Variants in ASGR2 observed in about 807,000 individuals in gnomAD.
ASGR2 encodes the protein asialoglycoprotein receptor 2.
In ASGR2, 34 loss-of-function variants were observed where a neutral mutation model predicts 32.3. That is an observed-to-expected ratio of 1.05 (90% confidence interval 0.80 to 1.40). The LOEUF (loss-of-function observed/expected upper bound fraction) is 1.40, where lower values mean the gene tolerates loss of function less well. Ranked by LOEUF, ASGR2 falls within the 40% of genes most tolerant of loss-of-function variation. The probability of loss-of-function intolerance (pLI) is 0.00; values close to 1 mark genes in which losing one functional copy is unlikely to be tolerated. For synonymous variants in ASGR2, 143 were observed against 150.0 expected (o/e 0.95, Z 0.34); for missense variants, 385 against 386.4 (o/e 1.00, Z 0.03).
intron 7 of ASGR2, among the ~76,000 whole-genome samples, chr17:7,103,828 C>T (rs918898131): frequency 2.0e-5 from 3 of 152,038 alleles, no homozygotes; most frequent in East Asian, 1.9e-4. Flanking sequence ...ATGTGCACAA[C>T]GTGCAGGTTT....
At chr17:7,111,461 C>G (rs1055256808) in intron 2 of ASGR2, among the ~76,000 whole-genome samples, 1 of 151,864 alleles carries the variant, frequency 6.6e-6, no homozygotes, top group Non-Finnish European at 1.5e-5. Flanking sequence ...TCGACACCAT[C>G]CTGGCTAACA....
chr17:7,102,665 G>C (rs1196891424), intron 7 of ASGR2, among the ~76,000 whole-genome samples: 2 of 152,012 alleles, frequency 1.3e-5, no homozygotes, highest in African/African-American at 4.8e-5. Context: ...TGCTCTTACT[G>C]CCCCCCAGAC....
Position 7,114,383 on chromosome 17 carries a change from G to T in ASGR2, c.-70-73C>A, listed in dbSNP as rs1161438412. On this transcript the variant is annotated intron_variant, in intron 1 of 8. Transcript: ENST00000691900. This position sits in a 1 kb window ranked among gnomAD's most constrained non-coding sequence, Gnocchi z 4.5. ...CGCAGGGTCGGAGGGGTTCGGGGTGGTGGCCTGGGTAGGATCTGAGGTTGG... is the reference window on the plus strand; with the variant it reads ...CGCAGGGTCGGAGGGGTTCGGGGTGTTGGCCTGGGTAGGATCTGAGGTTGG... 8 of 1,449,828 alleles carry T rather than the reference G, an allele frequency of 5.5e-6. No homozygotes were observed. Among genetic ancestry groups the T allele is most frequent in the Non-Finnish European group, 7.2e-6 (8 of 1,105,238 alleles). The allele number at this position is 1,449,828 out of a possible 1,614,324, so 89.8% of individuals were successfully genotyped here.
At position 7,101,456 on chromosome 17, in the gene ASGR2, CTT is replaced by C. The variant is rs1912790462; in HGVS notation, c.*117_*118del. On this transcript the variant is annotated 3_prime_UTR_variant, in exon 9 of 9. Transcript: ENST00000691900. ...GACTCTTAAACTACCTCCTTTCTCT[CTT>C]TGCTCAGCTCTTCCCCATACCCCTG... The C allele has an allele frequency of 7.3e-7, 1 of 1,361,636 alleles. No individual in the cohort carries two copies. The highest frequency in any genetic ancestry group is 9.8e-7 in the Non-Finnish European group (1 of 1,019,540). The allele number at this position is 1,361,636 out of a possible 1,614,324, so 84.3% of individuals were successfully genotyped here.
rs768340343 is a variant in ASGR2, at chr17:7,107,313, G to A, written c.414C>T (p.His138=). 3.0e-5 allele frequency: 48 copies of A among 1,612,816 alleles called. No homozygotes were observed. Among genetic ancestry groups the A allele is most frequent in the Admixed American group, 5.0e-5 (3 of 59,996 alleles). The change falls in exon 6 of 9, where the codon CAC becomes CAT. Residue 138 remains histidine, a synonymous_variant. Transcript: ENST00000691900. This position sits in a 1 kb window ranked among gnomAD's most constrained non-coding sequence, Gnocchi z 5.0. ...GCTTCAGATGGAAGAGCAGGGCATC[G>A]TGATCTAGGACAGACAGGCTGAAAG... The part of the protein sequence containing the change: ...EKQQQDLKAD[H]DALLFHLKHF...
chr17:7,114,270 AGCTGGGCTGG>A lies in ASGR2; in HGVS notation c.-40_-31del. The A allele has an allele frequency of 6.4e-7, 1 of 1,557,850 alleles. No individual in the cohort carries two copies. On this transcript the variant is annotated 5_prime_UTR_variant, in exon 2 of 9. Transcript: ENST00000691900. This position sits in a 1 kb window ranked among gnomAD's most constrained non-coding sequence, Gnocchi z 4.5. ...GGGCCCGGGCTGGAGCTGGAGCTGG[AGCTGGGCTGG>A]GCTGGGCTGAGGTTGCTCTGAGGGC... is the stretch of plus-strand genomic sequence containing the variant.
chr17:7,107,297 G>T lies in ASGR2; in HGVS notation c.430C>A (p.His144Asn). Residue 144 changes from histidine (H) to asparagine (N), a missense_variant, in exon 6 of 9, where the codon CAT (histidine) becomes AAT (asparagine). Transcript: ENST00000691900. The surrounding 1 kb of genome is among the most constrained non-coding windows in gnomAD (Gnocchi z 5.0). The stretch of plus-strand genomic sequence containing the variant: ...AGGTCCACGGGGAAGTGCTTCAGAT[G>T]GAAGAGCAGGGCATCGTGATCTAGG... Reference protein sequence around the residue: ...LKADHDALLFHLKHFPVDLRF... With the variant: ...LKADHDALLFNLKHFPVDLRF... 1 of 1,613,624 alleles carries T rather than the reference G, an allele frequency of 6.2e-7. No individual in the cohort carries two copies.
In ASGR2 at chr17:7,107,663, T is replaced by G. The variant is rs115782338; in HGVS notation, c.409+173A>C. 6,581 of 832,178 alleles carry G rather than the reference T, an allele frequency of 7.9e-3. 314 individuals are homozygous for G. The African/African-American group carries it at 0.097, about 12-fold the overall frequency. The allele number at this position is 832,178 out of a possible 1,614,324, so 51.5% of individuals were successfully genotyped here. On this transcript the variant is annotated intron_variant, in intron 5 of 8. Coordinates refer to ENST00000691900, the MANE Select transcript of ASGR2 (RefSeq NM_001201352.2). The surrounding 1 kb of genome is among the most constrained non-coding windows in gnomAD (Gnocchi z 5.0). ...CACCACACTACACACCACACACAGA[T>G]CCATGACATATCACACCACACATAC...
chr17:7,109,784 G>T (rs1281352857), intron 2 of ASGR2, among the ~76,000 whole-genome samples: 1 of 151,858 alleles, frequency 6.6e-6, no homozygotes, highest in Non-Finnish European at 1.5e-5. Context: ...ACTCTCACAT[G>T]TGCATATGCA....
chr17:7,105,075 C>CA (rs1913470586), intron 7 of ASGR2, among the ~76,000 whole-genome samples: 1 of 151,718 alleles, frequency 6.6e-6, no homozygotes, highest in Non-Finnish European at 1.5e-5. Flanking sequence ...TCCTGGTCTC[C>CA]TCACCTTTCC....
Position 7,102,128 on chromosome 17 carries a change from C to G in ASGR2, c.717G>C (p.Trp239Cys), listed in dbSNP as rs1305248876. Residue 239 changes from tryptophan to cysteine, a missense_variant, in exon 8 of 9, where the codon TGG becomes TGC. Transcript: ENST00000691900. ...WIGLTDSDGS[W>C]KWVDGTDYRH... The stretch of plus-strand genomic sequence containing the variant: ...TATAGTCTGTGCCATCCACCCATTT[C>G]CAAGAGCCATCACTGTCCGTGAGAC... The G allele has an allele frequency of 6.2e-7, 1 of 1,614,208 alleles. No homozygotes were observed. Among genetic ancestry groups the G allele is most frequent in the Non-Finnish European group, 8.5e-7 (1 of 1,180,034 alleles).
At chr17:7,111,508 T>G (rs936813335) in intron 2 of ASGR2, among the ~76,000 whole-genome samples, 3 of 151,724 alleles carry the variant, frequency 2.0e-5, no homozygotes, top group Admixed American at 1.3e-4. Context: ...TACAAAAAAT[T>G]AGCCAGACGT....
chr17:7,102,041 G>A (rs763100608), intron 8 of ASGR2, 49 bp downstream of exon 8: 1 of 1,558,360 alleles, frequency 6.4e-7, no homozygotes, highest in Non-Finnish European at 8.9e-7. Context: ...AGGCCAGGGG[G>A]CTGTCCCCAG....
intron 7 of ASGR2, among the ~76,000 whole-genome samples, chr17:7,104,057 A>G (rs1293337594): frequency 2.6e-5 from 3 of 116,060 alleles, no homozygotes; most frequent in Non-Finnish European, 5.3e-5. Context: ...GCTACATACT[A>G]AAAAAAAAAG....
chr17:7,105,791 A>ATTTT (rs55800489), intron 7 of ASGR2, among the ~76,000 whole-genome samples: 10 of 146,312 alleles, frequency 6.8e-5, no homozygotes, highest in African/African-American at 2.0e-4. Context: ...TTAAATTAGC[A>ATTTT]TTTTTTTTTT....
chr17:7,101,510 A>G lies in ASGR2; in HGVS notation c.*65T>C. 6.4e-7 allele frequency: 1 copy of G among 1,565,846 alleles called. No homozygotes were observed. The highest frequency in any genetic ancestry group is 2.3e-5 in the East Asian group (1 of 44,332). On this transcript the variant is annotated 3_prime_UTR_variant, in exon 9 of 9. Transcript: ENST00000691900. Reference sequence around the variant, plus strand: ...CTCAGTGTTTCTTCCTTTCCTCAAAATCCTCAACAGAGAAGCCAGAGCTGG... The same window carrying G: ...CTCAGTGTTTCTTCCTTTCCTCAAAGTCCTCAACAGAGAAGCCAGAGCTGG...
rs1915218040 is a variant in ASGR2 at position 7,114,458 on chromosome 17, C to T, written c.-70-148G>A. On this transcript the variant is annotated intron_variant, in intron 1 of 8. Coordinates refer to ENST00000691900, the MANE Select transcript of ASGR2 (RefSeq NM_001201352.2). This position sits in a 1 kb window ranked among gnomAD's most constrained non-coding sequence, Gnocchi z 4.5. ...AATCCCGCTGGGTCCTTTCCCTTCT[C>T]AGGAGACCGCTTGGGCCTTGACCTG... is the stretch of plus-strand genomic sequence containing the variant. 7.2e-7 allele frequency: 1 copy of T among 1,388,912 alleles called. No individual in the cohort carries two copies. Among genetic ancestry groups the T allele is most frequent in the Non-Finnish European group, 9.3e-7 (1 of 1,071,692 alleles). The allele number at this position is 1,388,912 out of a possible 1,614,324, so 86.0% of individuals were successfully genotyped here.
chr17:7,107,118 A>G lies in ASGR2; in HGVS notation c.530T>C (p.Val177Ala). The G allele has an allele frequency of 6.2e-7, 1 of 1,614,062 alleles. No individual in the cohort carries two copies. The highest frequency in any genetic ancestry group is 8.5e-7 in the Non-Finnish European group (1 of 1,180,014). ...CCAGTAGCAGCTGCCTTGGTGCTCC[A>G]CCCAGTTGACGGGGCAGCAGGTCCT... is the stretch of plus-strand genomic sequence containing the variant. ...SQRTCCPVNW[V>A]EHQGSCYWFS... Residue 177 changes from valine to alanine, a missense_variant, in exon 7 of 9, where the codon GTG becomes GCG. Coordinates refer to ENST00000691900, the MANE Select transcript of ASGR2 (RefSeq NM_001201352.2). The surrounding 1 kb of genome is among the most constrained non-coding windows in gnomAD (Gnocchi z 5.0).
In ASGR2 at chr17:7,101,354, C is replaced by T. The variant is rs1912778698; in HGVS notation, c.*221G>A. 1.8e-6 allele frequency: 1 copy of T among 548,520 alleles called. No individual in the cohort carries two copies. Among genetic ancestry groups the T allele is most frequent in the Non-Finnish European group, 3.1e-6 (1 of 318,304 alleles). The allele number at this position is 548,520 out of a possible 1,614,324, so 34.0% of individuals were successfully genotyped here. On this transcript the variant is annotated 3_prime_UTR_variant, in exon 9 of 9. Transcript: ENST00000691900. ...AAGCATTTGTTTCTTCTTTCCTACG[C>T]CATTGAAGAGGCTGACGATTATAAT... is the stretch of plus-strand genomic sequence containing the variant.
Sources: gnomAD v4.1 joint callset for allele counts (sites outside exome capture counted in the v4.1 genomes callset) on GRCh38, gnomAD v4.1.1 for gene constraint, Gnocchi (gnomAD v3.1) non-coding constraint, MANE v1.5 for transcripts, NCBI Gene and HGNC (gene_info 2026-07-23, HGNC 2026-07-21) for gene names.